Variants in TNFAIP8 observed in about 807,000 individuals in gnomAD.
TNFAIP8 encodes tumor necrosis factor alpha-induced protein 8.
TNFAIP8 carries 7 observed loss-of-function variants against 13.3 expected under a neutral mutation model. The observed-to-expected ratio is 0.52, with a 90% CI of 0.30 to 0.99. TNFAIP8 has a LOEUF of 0.99. Among genes scored for constraint, TNFAIP8 ranks in the 50% least tolerant of loss-of-function variants. The pLI is 0.07. For missense variants in TNFAIP8, 258 were observed against 236.9 expected, an observed-to-expected ratio of 1.09 and a Z score of -0.58; for synonymous variants, 94 against 87.6, an observed-to-expected ratio of 1.07 and a Z score of -0.41.
chr5:119,276,188 G>C (rs1307982234), intron 1 of TNFAIP8, among the ~76,000 whole-genome samples: 1 of 151,692 alleles, frequency 6.6e-6, no homozygotes, highest in African/African-American at 2.4e-5. Flanking sequence ...TGCAAACTTG[G>C]CTCACTGCAA....
rs1753114250 is a variant in TNFAIP8 at position 119,397,997 on chromosome 5, A to G, written c.*4616A>G. The G allele has an allele frequency of 6.6e-6, 1 of 152,234 alleles. No homozygotes were observed. 9.4% of individuals were successfully genotyped at this position (152,234 alleles called of 1,614,324 possible). A position where few individuals can be genotyped will look rare whatever the true frequency, so the allele number is the denominator to read the frequency against. ...TCCCAAATCGTACCATCTGCTGAGC[A>G]CTGAGAAAGGATATGGACAAGTCAG... On this transcript the variant is annotated 3_prime_UTR_variant, in exon 2 of 2. Transcript: ENST00000504771.
At chr5:119,283,777 G>T (rs1748702280) in intron 1 of TNFAIP8, among the ~76,000 whole-genome samples, 1 of 152,142 alleles carries the variant, frequency 6.6e-6, no homozygotes, top group African/African-American at 2.4e-5. Context: ...TTCTTCCCAG[G>T]TGTAGTTTTT....
Position 119,397,181 on chromosome 5 carries a change from A to T in TNFAIP8, c.*3800A>T, listed in dbSNP as rs1348917635. Reference sequence around the variant, plus strand: ...TTTTAAGCCCCCAAAGGCTTAAAATAGTACTTTTTGTGGTCTGTACCGGTC... The same window carrying T: ...TTTTAAGCCCCCAAAGGCTTAAAATTGTACTTTTTGTGGTCTGTACCGGTC... On this transcript the variant is annotated 3_prime_UTR_variant, in exon 2 of 2. Transcript: ENST00000504771. The T allele has an allele frequency of 6.6e-6, 1 of 152,028 alleles. No homozygotes were observed. The highest frequency in any genetic ancestry group is 1.5e-5 in the Non-Finnish European group (1 of 68,016). The allele number at this position is 152,028 out of a possible 1,614,324, so 9.4% of individuals were successfully genotyped here.
At chr5:119,391,488 G>A (rs1049950324) in intron 1 of TNFAIP8, 12 of 695,458 alleles carry the variant, frequency 1.7e-5, no homozygotes, top group South Asian at 3.0e-5. Context: ...GGCCAGGTGC[G>A]GTGGCTCATG....
chr5:119,293,021 C>T (rs957196841), intron 1 of TNFAIP8, among the ~76,000 whole-genome samples: 2 of 151,994 alleles, frequency 1.3e-5, no homozygotes, highest in Non-Finnish European at 2.9e-5. Context: ...CCAGGTTCAT[C>T]TGTGTTGTCA....
intron 1 of TNFAIP8, among the ~76,000 whole-genome samples, chr5:119,322,258 T>A (rs1236705053): frequency 6.6e-6 from 1 of 152,206 alleles, no homozygotes; most frequent in Non-Finnish European, 1.5e-5. Context: ...TTGTCACTGC[T>A]CTATCCCCAG....
At chr5:119,315,795 C>T (rs1749876534) in intron 1 of TNFAIP8, among the ~76,000 whole-genome samples, 1 of 152,144 alleles carries the variant, frequency 6.6e-6, no homozygotes, top group African/African-American at 2.4e-5. Context: ...ACCCCACCTC[C>T]ACCACCCACA....
At chr5:119,388,550 T>C (rs1463934030) in intron 1 of TNFAIP8, among the ~76,000 whole-genome samples, 1 of 152,166 alleles carries the variant, frequency 6.6e-6, no homozygotes, top group Non-Finnish European at 1.5e-5. Flanking sequence ...AGGCAGACAA[T>C]AAAAATGTAG....
At chr5:119,390,436 T>C (rs1208816335) in intron 1 of TNFAIP8, among the ~76,000 whole-genome samples, 1 of 152,196 alleles carries the variant, frequency 6.6e-6, no homozygotes, top group Non-Finnish European at 1.5e-5. Context: ...GAATTAATCT[T>C]TATACTCTTT....
intron 1 of TNFAIP8, among the ~76,000 whole-genome samples, chr5:119,336,843 G>A (rs1750566366): frequency 6.6e-6 from 1 of 152,196 alleles, no homozygotes; most frequent in Admixed American, 6.5e-5. Flanking sequence ...ACTAGTTGAG[G>A]AGAGAATGTG....
At chr5:119,310,422 CCACTGGAGGACTACAGGGCACCTCT>C (rs548943319) in intron 1 of TNFAIP8, among the ~76,000 whole-genome samples, 369 of 152,272 alleles carry the variant, frequency 2.4e-3, no homozygotes, top group Middle Eastern at 6.8e-3. Context: ...AAGGCAGCGC[CCACTGGAGGACTACAGGGCACCTCT>C]CACGGTAGGG....
chr5:119,314,648 A>G (rs1450322683), intron 1 of TNFAIP8, among the ~76,000 whole-genome samples: 2 of 152,232 alleles, frequency 1.3e-5, no homozygotes, highest in African/African-American at 2.4e-5. Flanking sequence ...TTTGAGAACC[A>G]GAGAGACAGT....
chr5:119,348,921 C>T (rs1213377682), intron 1 of TNFAIP8, among the ~76,000 whole-genome samples: 1 of 146,172 alleles, frequency 6.8e-6, no homozygotes. Context: ...TAGACAACAT[C>T]TAAGGTTTCT....
intron 1 of TNFAIP8, among the ~76,000 whole-genome samples, chr5:119,283,455 G>A (rs1226898290): frequency 6.6e-6 from 1 of 152,080 alleles, no homozygotes; most frequent in Non-Finnish European, 1.5e-5. Context: ...AACATAGCAA[G>A]ACCCTGTTTG....
chr5:119,294,738 T>C (rs557837539), intron 1 of TNFAIP8, among the ~76,000 whole-genome samples: 2 of 152,268 alleles, frequency 1.3e-5, no homozygotes, highest in Non-Finnish European at 2.9e-5. Flanking sequence ...CCATTCTAAC[T>C]GGTGTGAGAT....
Position 119,300,437 on chromosome 5 carries a change from A to G in TNFAIP8, c.1+31530A>G, listed in dbSNP as rs143389093. On this transcript the variant is annotated intron_variant, in intron 1 of 1. Coordinates refer to the TNFAIP8 transcript ENST00000274456. ...TCAATCTTTAAAAAGTAGACCATCT[A>G]AAACAAATGTTATTTGTAAAAGCAC... Among the ~76,000 whole-genome samples, 7 of 152,352 alleles carry G rather than the reference A, an allele frequency of 4.6e-5. No individual in the cohort carries two copies. The East Asian group carries it at 1.3e-3, about 29-fold the overall frequency.
At chr5:119,294,905 A>C (rs1301574536) in intron 1 of TNFAIP8, among the ~76,000 whole-genome samples, 1 of 151,266 alleles carries the variant, frequency 6.6e-6, no homozygotes, top group Non-Finnish European at 1.5e-5. Flanking sequence ...TTTCTCTTGT[A>C]AATTTGTTTG....
upstream of TNFAIP8, among the ~76,000 whole-genome samples, chr5:119,351,330 C>T (rs192678008): frequency 1.8e-4 from 28 of 152,196 alleles, no homozygotes; most frequent in Non-Finnish European, 7.4e-5. Context: ...CCCAGCCTTA[C>T]TCTATTTGTA....
chr5:119,349,318 T>C (rs889409777), intron 1 of TNFAIP8, among the ~76,000 whole-genome samples: 2 of 152,262 alleles, frequency 1.3e-5, no homozygotes, highest in Non-Finnish European at 2.9e-5. Context: ...GGGAACCTCA[T>C]GATTTTCAGT....
Sources: allele counts gnomAD v4.1 joint callset (sites outside exome capture counted in the v4.1 genomes callset), GRCh38; gene constraint gnomAD v4.1.1; transcripts MANE v1.5; gene names NCBI Gene and HGNC (gene_info 2026-07-23, HGNC 2026-07-21).